The following TOP6BL variants were observed in gnomAD, a reference collection of about 807,000 sequenced individuals.
TOP6BL encodes TOP6B like initiator of meiotic double strand breaks.
chr11:66,771,099 G>A, the TOP6BL span: 1 of 149,774 alleles, frequency 6.7e-6, no homozygotes, highest in Non-Finnish European at 1.5e-5. Context: ...CTCAATAAAT[G>A]TCTTTACCTT....
chr11:66,749,887 A>G, the TOP6BL span, among the ~76,000 whole-genome samples: 57 of 152,258 alleles, frequency 3.7e-4, no homozygotes, highest in African/African-American at 1.3e-3. Flanking sequence ...CTATGTTTAT[A>G]TATTTTTTTT....
chr11:66,809,400 A>G, the TOP6BL span, among the ~76,000 whole-genome samples: 1 of 152,216 alleles, frequency 6.6e-6, no homozygotes, highest in African/African-American at 2.4e-5. Context: ...ATATTCCTCA[A>G]CATAAAAGGT....
chr11:66,780,112 A>G, the TOP6BL span, among the ~76,000 whole-genome samples: 2 of 152,150 alleles, frequency 1.3e-5, no homozygotes, highest in South Asian at 4.1e-4. Flanking sequence ...ATACATATGT[A>G]ACAAACCTGC....
the TOP6BL span, among the ~76,000 whole-genome samples, chr11:66,793,748 A>G: frequency 6.6e-6 from 1 of 151,612 alleles, no homozygotes; most frequent in African/African-American, 2.4e-5. Flanking sequence ...ACCTGGCCCA[A>G]TTTTTTCTAT....
the TOP6BL span, among the ~76,000 whole-genome samples, chr11:66,784,631 T>TCATA: frequency 4.1e-4 from 62 of 152,386 alleles, 1 homozygote; most frequent in East Asian, 0.011. Flanking sequence ...ATAAATGGAA[T>TCATA]CATACAATAT....
chr11:66,767,706 T>C, the TOP6BL span, among the ~76,000 whole-genome samples: 40 of 152,232 alleles, frequency 2.6e-4, no homozygotes, highest in Non-Finnish European at 5.3e-4. Flanking sequence ...TTGCTGTTGA[T>C]ATATGGTTAC....
chr11:66,842,387 G>C, the TOP6BL span, among the ~76,000 whole-genome samples: 1 of 152,244 alleles, frequency 6.6e-6, no homozygotes, highest in Non-Finnish European at 1.5e-5. Flanking sequence ...TGCTGGGGAA[G>C]AATCTATCCA....
the TOP6BL span, among the ~76,000 whole-genome samples, chr11:66,827,612 G>A: frequency 6.6e-6 from 1 of 151,986 alleles, no homozygotes; most frequent in Non-Finnish European, 1.5e-5. Context: ...TTATAGAAGA[G>A]CAGTTTATAT....
the TOP6BL span, chr11:66,756,445 G>T: frequency 1.0e-5 from 11 of 1,092,254 alleles, no homozygotes; most frequent in Non-Finnish European, 1.3e-5. Flanking sequence ...TGATTCTCAT[G>T]CCTCAGTCCC....
At chr11:66,801,661 C>A in the TOP6BL span, among the ~76,000 whole-genome samples, 1 of 152,066 alleles carries the variant, frequency 6.6e-6, no homozygotes. Flanking sequence ...CATGGCAAAA[C>A]CCTGTCTCTG....
At chr11:66,841,439 C>T in the TOP6BL span, among the ~76,000 whole-genome samples, 19 of 152,164 alleles carry the variant, frequency 1.2e-4, no homozygotes, top group East Asian at 7.7e-4. Flanking sequence ...CACATCCAGG[C>T]GCTCACAAAG....
the TOP6BL span, among the ~76,000 whole-genome samples, chr11:66,779,742 G>A: frequency 2.0e-5 from 3 of 152,100 alleles, no homozygotes. Context: ...ATTCACAATA[G>A]CAAAGACTTG....
chr11:66,751,387 G>C, the TOP6BL span, among the ~76,000 whole-genome samples: 1 of 151,810 alleles, frequency 6.6e-6, no homozygotes, highest in African/African-American at 2.4e-5. Context: ...TAGAGACCAG[G>C]TTTCACTACG....
the TOP6BL span, chr11:66,748,408 G>A: frequency 6.5e-7 from 1 of 1,542,020 alleles, no homozygotes; most frequent in Non-Finnish European, 8.8e-7. Flanking sequence ...TTCACTGGAA[G>A]TGTGACATAG....
At chr11:66,757,161 A>G in the TOP6BL span, among the ~76,000 whole-genome samples, 1 of 151,888 alleles carries the variant, frequency 6.6e-6, no homozygotes, top group East Asian at 1.9e-4. Context: ...CGCCCAACAT[A>G]GTGAAACTTC....
chr11:66,838,793 G>A, the TOP6BL span, among the ~76,000 whole-genome samples: 49 of 152,150 alleles, frequency 3.2e-4, no homozygotes, highest in African/African-American at 1.1e-3. Context: ...GTGCAGTGGC[G>A]CCATCTCGGC....
the TOP6BL span, chr11:66,816,075 T>C: frequency 3.4e-5 from 54 of 1,603,082 alleles, no homozygotes; most frequent in Middle Eastern, 4.9e-4. Flanking sequence ...CAGATGTGAG[T>C]TATCAGGTGG....
chr11:66,793,795 T>C, the TOP6BL span, among the ~76,000 whole-genome samples: 1 of 152,142 alleles, frequency 6.6e-6, no homozygotes, highest in African/African-American at 2.4e-5. Flanking sequence ...TTTTGACTTC[T>C]TTTTCAGTGT....
the TOP6BL span, chr11:66,816,319 A>C: frequency 8.9e-7 from 1 of 1,128,686 alleles, no homozygotes; most frequent in Non-Finnish European, 1.2e-6. Flanking sequence ...AAGTTCAGTG[A>C]AAAACCTTGC....
Sources: allele counts gnomAD v4.1 joint callset (sites outside exome capture counted in the v4.1 genomes callset), GRCh38; gene constraint gnomAD v4.1.1; transcripts MANE v1.5; gene names NCBI Gene and HGNC (gene_info 2026-07-23, HGNC 2026-07-21).